Variants in RASAL2 observed in about 807,000 individuals in gnomAD.
RASAL2 encodes ras GTPase-activating protein nGAP.
In RASAL2, 58 loss-of-function variants were observed where a neutral mutation model predicts 128.9. The observed-to-expected ratio is 0.45, with a 90% CI of 0.36 to 0.56. The LOEUF (loss-of-function observed/expected upper bound fraction) is 0.56, where lower values mean the gene tolerates loss of function less well. RASAL2 is among the 20% of genes least tolerant of loss of function. RASAL2 has a pLI of 0.00. For missense variants in RASAL2, 1,360 were observed against 1,601.6 expected (o/e 0.85, Z 2.57); for synonymous variants, 561 against 580.8 (o/e 0.97, Z 0.49).
At chr1:178,272,217 T>G (rs1666294042) in intron 1 of RASAL2, among the ~76,000 whole-genome samples, 1 of 152,164 alleles carries the variant, frequency 6.6e-6, no homozygotes, top group African/African-American at 2.4e-5. Flanking sequence ...GTGCTTTACT[T>G]ACAATAAACA....
chr1:178,272,921 G>T lies in RASAL2; in HGVS notation c.203-10643G>T, dbSNP rs574434968. Among the ~76,000 whole-genome samples the T allele has an allele frequency of 5.3e-5, 8 of 151,304 alleles. No homozygotes were observed. The East Asian group carries it at 9.7e-4, about 18-fold the overall frequency. On this transcript the variant is annotated intron_variant, in intron 1 of 17. Transcript: ENST00000367649. ...CACTGCAGCCTGGGTGACAGAATGA[G>T]ATTCCACCTTAAAAAAAAAAAAAAT... is the stretch of plus-strand genomic sequence containing the variant.
At chr1:178,465,843 A>T in intron 15 of RASAL2, 77 bp from the exon 16 acceptor site, 1 of 1,220,784 alleles carries the variant, frequency 8.2e-7, no homozygotes, top group Non-Finnish European at 1.1e-6. Context: ...AAAGAAAGAG[A>T]AAGAAAGAAA....
intron 1 of RASAL2, among the ~76,000 whole-genome samples, chr1:178,211,077 G>T (rs1346780851): frequency 1.3e-5 from 2 of 152,144 alleles, no homozygotes; most frequent in African/African-American, 4.8e-5. Context: ...TATCCCTTTA[G>T]CTCCATGTGG....
rs1677372107 is a variant in RASAL2 at position 178,451,485 on chromosome 1, G to A, written c.1628-86G>A. On this transcript the variant is annotated intron_variant, in intron 9 of 17. Coordinates refer to ENST00000367649, the MANE Select transcript of RASAL2 (RefSeq NM_170692.4). ...TCTAGAAAAGAATTCCCCATTATAC[G>A]TTTTAGGACAGAAATCATAAGTCCT... The A allele has an allele frequency of 3.7e-5, 51 of 1,379,804 alleles. 1 individual carries two copies. The highest frequency in any genetic ancestry group is 7.8e-5 in the South Asian group (5 of 63,992). The allele number at this position is 1,379,804 out of a possible 1,614,324, so 85.5% of individuals were successfully genotyped here.
chr1:178,427,605 T>C (rs762541445), intron 5 of RASAL2, among the ~76,000 whole-genome samples: 1 of 152,130 alleles, frequency 6.6e-6, no homozygotes, highest in Non-Finnish European at 1.5e-5. Context: ...ATCTTGAAAT[T>C]ATATAAAGAA....
chr1:178,377,026 C>A (rs945863157), intron 3 of RASAL2, among the ~76,000 whole-genome samples: 1 of 151,976 alleles, frequency 6.6e-6, no homozygotes, highest in African/African-American at 2.4e-5. Flanking sequence ...AAATACTCAG[C>A]GTATACTTTT....
intron 9 of RASAL2, among the ~76,000 whole-genome samples, chr1:178,450,629 T>C (rs956264153): frequency 6.6e-6 from 1 of 152,182 alleles, no homozygotes; most frequent in Non-Finnish European, 1.5e-5. Context: ...AAGTCTGTTA[T>C]AACTAGCCTG....
At chr1:178,366,859 A>G (rs1181829143) in intron 3 of RASAL2, among the ~76,000 whole-genome samples, 1 of 152,176 alleles carries the variant, frequency 6.6e-6, no homozygotes, top group Non-Finnish European at 1.5e-5. Context: ...TAAAATGTCC[A>G]GAATAGGCAA....
chr1:178,160,287 C>T (rs1301148931), intron 1 of RASAL2, among the ~76,000 whole-genome samples: 2 of 152,148 alleles, frequency 1.3e-5, no homozygotes, highest in Non-Finnish European at 2.9e-5. Flanking sequence ...CATAATTTAA[C>T]TCATGAAATG....
At chr1:178,436,162 T>C (rs1676240737) in intron 5 of RASAL2, among the ~76,000 whole-genome samples, 1 of 152,138 alleles carries the variant, frequency 6.6e-6, no homozygotes, top group African/African-American at 2.4e-5. Flanking sequence ...GGCTGTTTGA[T>C]CTTCCTGTTT....
At chr1:178,135,223 A>G (rs1443724077) in intron 1 of RASAL2, among the ~76,000 whole-genome samples, 1 of 152,198 alleles carries the variant, frequency 6.6e-6, no homozygotes, top group Non-Finnish European at 1.5e-5. Flanking sequence ...AAAAGACTGC[A>G]TTGACATGGT....
intron 1 of RASAL2, among the ~76,000 whole-genome samples, chr1:178,216,366 A>G (rs549695050): frequency 3.4e-4 from 52 of 152,360 alleles, no homozygotes; most frequent in Non-Finnish European, 6.3e-4. Flanking sequence ...TTTATGTTCT[A>G]TTCCACATGC....
intron 1 of RASAL2, among the ~76,000 whole-genome samples, chr1:178,167,675 A>G (rs1197265343): frequency 6.6e-6 from 1 of 152,082 alleles, no homozygotes; most frequent in Non-Finnish European, 1.5e-5. Context: ...CAAATAAACT[A>G]GTATTTACAT....
At chr1:178,294,436 G>T (rs908522088) in intron 2 of RASAL2, among the ~76,000 whole-genome samples, 2 of 152,192 alleles carry the variant, frequency 1.3e-5, no homozygotes, top group Admixed American at 6.5e-5. Flanking sequence ...GTAAAGGATA[G>T]GTTTAAGGGG....
intron 4 of RASAL2, among the ~76,000 whole-genome samples, chr1:178,396,547 C>A (rs1232275964): frequency 2.0e-5 from 3 of 151,608 alleles, no homozygotes; most frequent in African/African-American, 4.8e-5. Flanking sequence ...GTTAGCTATG[C>A]AAAAAAATAT....
chr1:178,209,743 T>C (rs555212512), intron 1 of RASAL2, among the ~76,000 whole-genome samples: 3 of 152,224 alleles, frequency 2.0e-5, no homozygotes, highest in East Asian at 3.9e-4. Flanking sequence ...CTTGGACTCT[T>C]ATTAATCAGA....
intron 17 of RASAL2, among the ~76,000 whole-genome samples, chr1:178,469,111 A>G (rs1264833774): frequency 6.6e-6 from 1 of 152,120 alleles, no homozygotes; most frequent in East Asian, 1.9e-4. Context: ...CAGCCTGGGT[A>G]ACATGGTGAG....
intron 1 of RASAL2, among the ~76,000 whole-genome samples, chr1:178,103,747 A>G (rs559839554): frequency 6.6e-6 from 1 of 152,204 alleles, no homozygotes; most frequent in African/African-American, 2.4e-5. Context: ...AGCAAAGCAT[A>G]CTAAGGAACT....
chr1:178,385,606 T>C (rs1480726018), intron 3 of RASAL2, among the ~76,000 whole-genome samples: 1 of 152,122 alleles, frequency 6.6e-6, no homozygotes, highest in Non-Finnish European at 1.5e-5. Context: ...GGTGCAAAAT[T>C]AGCTTTTTGG....
Sources: gnomAD v4.1 joint callset for allele counts (sites outside exome capture counted in the v4.1 genomes callset) on GRCh38, gnomAD v4.1.1 for gene constraint, MANE v1.5 for transcripts, NCBI Gene and HGNC (gene_info 2026-07-23, HGNC 2026-07-21) for gene names.